MYLK4: variants seen among roughly 807,000 people sequenced by gnomAD.
The protein encoded by MYLK4 is caMLCK like.
In MYLK4, 46 loss-of-function variants were observed where a neutral mutation model predicts 48.1. The ratio of observed to expected loss-of-function variants is 0.96; its 90% CI spans 0.75 to 1.22. MYLK4 has a LOEUF of 1.22. MYLK4 is among the 50% of genes most tolerant of loss of function. The pLI, the probability that MYLK4 is intolerant of heterozygous loss-of-function variation, is 0.00. For synonymous variants in MYLK4, 170 were observed against 180.8 expected (o/e 0.94, Z 0.48); for missense variants, 451 against 486.1 (o/e 0.93, Z 0.68).
chr6:2,672,420 G>GA lies in MYLK4; in HGVS notation c.1120-1073dup, dbSNP rs1036920730. 2.8e-4 allele frequency among the ~76,000 whole-genome samples: 42 copies of GA among 150,796 alleles called. No homozygotes were observed. Among genetic ancestry groups the GA allele is most frequent in the African/African-American group, 4.4e-4 (18 of 41,184 alleles). On this transcript the variant is annotated intron_variant, in intron 11 of 12. Coordinates refer to ENST00000274643, the MANE Select transcript of MYLK4 (RefSeq NM_001012418.5). The surrounding 1 kb of genome is among the most constrained non-coding windows in gnomAD (Gnocchi z 4.3). The stretch of plus-strand genomic sequence containing the variant: ...AGAACTCTCGGATGTTAACTTCTAA[G>GA]AAAAAAAAATCCTTCTTAAATTTAG...
At chr6:2,702,724 T>C (rs753526992) in intron 2 of MYLK4, among the ~76,000 whole-genome samples, 1 of 152,210 alleles carries the variant, frequency 6.6e-6, no homozygotes, top group Non-Finnish European at 1.5e-5. Flanking sequence ...CTTTCTACAA[T>C]GTATACATAG....
chr6:2,680,633 C>T (rs1300084638), intron 7 of MYLK4: 1 of 896,788 alleles, frequency 1.1e-6, no homozygotes, highest in East Asian at 1.2e-4. Context: ...ACATCTGCCC[C>T]TCTAAATTAT....
intron 8 of MYLK4, 190 bp from the exon 9 acceptor site, chr6:2,679,598 GT>G: frequency 1.4e-6 from 1 of 725,760 alleles, no homozygotes; most frequent in Non-Finnish European, 2.3e-6. Context: ...AAATTTAAAA[GT>G]CAAAATTCAT....
chr6:2,668,848 T>C (rs566880669), intron 12 of MYLK4, among the ~76,000 whole-genome samples: 1 of 152,156 alleles, frequency 6.6e-6, no homozygotes, highest in African/African-American at 2.4e-5. Flanking sequence ...GGCAGGAGGA[T>C]CACTTGAGCT....
In MYLK4 at chr6:2,667,768, C is replaced by G. The variant is rs12193611; in HGVS notation, c.*157G>C. ...TTCCTCTGAGCGCAGCAGAGGCACT[C>G]CAGTTCAAGTTCACATTCAGGGTCG... On this transcript the variant is annotated 3_prime_UTR_variant, in exon 13 of 13. Transcript: ENST00000274643. 0.38 allele frequency: 58,201 copies of G among 152,478 alleles called. 11,408 individuals carry two copies. The highest frequency in any genetic ancestry group is 0.4 in the Non-Finnish European group (27,463 of 67,980). The allele number at this position is 152,478 out of a possible 1,614,324, so 9.4% of individuals were successfully genotyped here.
At chr6:2,719,660 C>G (rs1762997718) in intron 2 of MYLK4, among the ~76,000 whole-genome samples, 1 of 151,980 alleles carries the variant, frequency 6.6e-6, no homozygotes, top group Admixed American at 6.6e-5. Flanking sequence ...CGTAAACCCT[C>G]AACAAATTCA....
chr6:2,711,250 A>T (rs1206227447), intron 2 of MYLK4, among the ~76,000 whole-genome samples: 1 of 152,250 alleles, frequency 6.6e-6, no homozygotes, highest in Non-Finnish European at 1.5e-5. Context: ...CCACAAGGAC[A>T]TGGTAAGAAA....
chr6:2,751,279 T>C (rs960894490), upstream of MYLK4, among the ~76,000 whole-genome samples: 1 of 152,228 alleles, frequency 6.6e-6, no homozygotes, highest in African/African-American at 2.4e-5. Flanking sequence ...CACAGCCACC[T>C]CTGTTTGCCC....
intron 2 of MYLK4, among the ~76,000 whole-genome samples, chr6:2,694,644 A>G (rs1761992703): frequency 3.3e-5 from 2 of 60,346 alleles, no homozygotes; most frequent in Admixed American, 2.0e-4. Flanking sequence ...GGTGATGGTG[A>G]CGGTCATGGT....
chr6:2,769,007 C>A, the MYLK4 span: 2 of 891,512 alleles, frequency 2.2e-6, no homozygotes, highest in Non-Finnish European at 3.2e-6. Flanking sequence ...GCTTGTGAAC[C>A]CATCTCCTTC....
rs1249654475 is a variant in MYLK4 at position 2,667,293 on chromosome 6, A to C, written c.*632T>G. Reference sequence around the variant, plus strand: ...GCTGGGGACAATTCAGAATAAATGAAAGACACAGTGGCTGATGCCTCTTGT... The same window carrying C: ...GCTGGGGACAATTCAGAATAAATGACAGACACAGTGGCTGATGCCTCTTGT... On this transcript the variant is annotated 3_prime_UTR_variant, in exon 13 of 13. Transcript: ENST00000274643. 1 of 152,232 alleles carries C rather than the reference A, an allele frequency of 6.6e-6. No homozygotes were observed. Among genetic ancestry groups the C allele is most frequent in the Non-Finnish European group, 1.5e-5 (1 of 68,044 alleles). 9.4% of individuals were successfully genotyped at this position (152,232 alleles called of 1,614,324 possible). A position where few individuals can be genotyped will look rare whatever the true frequency, so the allele number is the denominator to read the frequency against.
rs117431133 is a variant in MYLK4 at position 2,670,776 on chromosome 6, A to C, written c.*25+500T>G. Among the ~76,000 whole-genome samples the C allele has an allele frequency of 2.8e-3, 426 of 152,228 alleles. 22 individuals carry two copies. The East Asian group carries it at 0.074, about 26-fold the overall frequency. ...GAAGCAGCTCAGGGGATTAAAAAAC[A>C]TGGGCTTCAGCTTCAGAAACACCCG... On this transcript the variant is annotated intron_variant, in intron 12 of 12. Coordinates refer to ENST00000274643, the MANE Select transcript of MYLK4 (RefSeq NM_001012418.5).
intron 3 of MYLK4, among the ~76,000 whole-genome samples, chr6:2,689,744 A>G (rs1051100632): frequency 1.3e-5 from 2 of 152,280 alleles, no homozygotes; most frequent in African/African-American, 4.8e-5. Context: ...CAGCGACTGC[A>G]TGCATACAAT....
intron 2 of MYLK4, among the ~76,000 whole-genome samples, chr6:2,732,935 C>T (rs4959715): frequency 0.43 from 65,590 of 151,940 alleles, 14,891 homozygotes; most frequent in East Asian, 0.56. Flanking sequence ...TATTTGTGGA[C>T]GTGCTTAGAG....
intron 2 of MYLK4, among the ~76,000 whole-genome samples, chr6:2,695,817 A>G (rs557480610): frequency 7.9e-5 from 12 of 152,354 alleles, no homozygotes; most frequent in African/African-American, 2.9e-4. Context: ...AAGTTGCTAA[A>G]ATAGAAAGCT....
chr6:2,668,556 T>A (rs115680383), intron 12 of MYLK4, among the ~76,000 whole-genome samples: 494 of 152,322 alleles, frequency 3.2e-3, no homozygotes, highest in African/African-American at 0.011. Context: ...GGCCTGGAAC[T>A]CTTTCTTTTA....
intron 2 of MYLK4, among the ~76,000 whole-genome samples, chr6:2,722,199 A>C (rs1763094374): frequency 6.6e-6 from 1 of 152,234 alleles, no homozygotes; most frequent in Non-Finnish European, 1.5e-5. Flanking sequence ...CTTCAAGAAG[A>C]TAAAATTGAT....
In MYLK4 at chr6:2,704,118, G is replaced by T. The variant is rs946782212; in HGVS notation, c.160-11259C>A. ...CTCAGTATCTCTAGAATCTAACTCA[G>T]TGTCAGCTCATGACAAACACTGATT... On this transcript the variant is annotated intron_variant, in intron 2 of 12. Transcript: ENST00000274643. Among the ~76,000 whole-genome samples the T allele has an allele frequency of 2.0e-5, 3 of 152,320 alleles. No individual in the cohort carries two copies. The South Asian group carries it at 6.2e-4, about 32-fold the overall frequency.
Position 2,663,849 on chromosome 6 carries a change from A to G in MYLK4, c.*4076T>C, listed in dbSNP as rs1334314659. On this transcript the variant is annotated 3_prime_UTR_variant, in exon 13 of 13. Transcript: ENST00000274643. ...GACTCACTGACATCTATCAGCTGAG[A>G]CGACAGCAAAATACACATTAGGTAA... 6.6e-6 allele frequency: 1 copy of G among 152,640 alleles called. No homozygotes were observed. The highest frequency in any genetic ancestry group is 1.5e-5 in the Non-Finnish European group (1 of 68,052). 9.5% of individuals were successfully genotyped at this position (152,640 alleles called of 1,614,324 possible). A position where few individuals can be genotyped will look rare whatever the true frequency, so the allele number is the denominator to read the frequency against.
Sources: allele counts gnomAD v4.1 joint callset (sites outside exome capture counted in the v4.1 genomes callset), GRCh38; gene constraint gnomAD v4.1.1; non-coding constraint Gnocchi (gnomAD v3.1); transcripts MANE v1.5; gene names NCBI Gene and HGNC (gene_info 2026-07-23, HGNC 2026-07-21).